TANK: variants seen among roughly 807,000 people sequenced by gnomAD.
TANK encodes the protein TRAF family member-associated NF-kappa-B activator.
Under a neutral mutation model 43.6 loss-of-function variants are expected in TANK, and 15 were observed. That is an observed-to-expected ratio of 0.34 (90% CI 0.23 to 0.53). The LOEUF is 0.53. Ranked by LOEUF, TANK falls within the 20% of genes least tolerant of loss-of-function variation. The pLI is 0.94. For synonymous variants in TANK, 162 were observed against 178.2 expected, an observed-to-expected ratio of 0.91 and a Z score of 0.73; for missense variants, 417 against 498.6, an observed-to-expected ratio of 0.84 and a Z score of 1.56.
intron 1 of TANK, among the ~76,000 whole-genome samples, chr2:161,154,168 C>G (rs1365607211): frequency 6.6e-6 from 1 of 152,088 alleles, no homozygotes; most frequent in Non-Finnish European, 1.5e-5. Flanking sequence ...CAGTCTTAAC[C>G]TAGAAAGGAA....
At chr2:161,198,618 C>T (rs932412863) in intron 2 of TANK, among the ~76,000 whole-genome samples, 2 of 152,198 alleles carry the variant, frequency 1.3e-5, no homozygotes, top group Admixed American at 6.5e-5. Context: ...ATGAGCATAT[C>T]GCGAGACAAA....
At chr2:161,208,363 A>G (rs1222531837) in intron 4 of TANK, among the ~76,000 whole-genome samples, 1 of 152,190 alleles carries the variant, frequency 6.6e-6, no homozygotes, top group Non-Finnish European at 1.5e-5. Flanking sequence ...GGACAGAAAG[A>G]GGTAAAGACA....
chr2:161,202,030 T>C (rs1686436544), intron 2 of TANK, among the ~76,000 whole-genome samples: 1 of 152,198 alleles, frequency 6.6e-6, no homozygotes, highest in South Asian at 2.1e-4. Flanking sequence ...CTGTGGGGAA[T>C]GTGAAACTAT....
chr2:161,224,010 T>C lies in TANK; in HGVS notation c.404+19T>C. The stretch of plus-strand genomic sequence containing the variant: ...ATGAAAGGTAGTTCTACATCCTTTT[T>C]TCTCAACTCTTAAAAATTATCAATA... On this transcript the variant is annotated intron_variant, in intron 5 of 7. Coordinates refer to ENST00000392749, the MANE Select transcript of TANK (RefSeq NM_001199135.3). 2.7e-6 allele frequency: 4 copies of C among 1,483,776 alleles called. No homozygotes were observed. Among genetic ancestry groups the C allele is most frequent in the Non-Finnish European group, 3.7e-6 (4 of 1,082,298 alleles). The allele number at this position is 1,483,776 out of a possible 1,614,324, so 91.9% of individuals were successfully genotyped here.
chr2:161,138,625 G>A (rs914048405), intron 1 of TANK, among the ~76,000 whole-genome samples: 6 of 152,170 alleles, frequency 3.9e-5, no homozygotes, highest in East Asian at 3.8e-4. Flanking sequence ...CTTCAGAGCC[G>A]GAAGAAGATG....
chr2:161,194,383 T>A (rs1686051942), intron 2 of TANK, among the ~76,000 whole-genome samples: 2 of 152,132 alleles, frequency 1.3e-5, no homozygotes, highest in African/African-American at 2.4e-5. Flanking sequence ...GCATTCTCCT[T>A]AATTCTAAAA....
At chr2:161,172,804 C>T (rs912673984) in intron 1 of TANK, among the ~76,000 whole-genome samples, 3 of 152,160 alleles carry the variant, frequency 2.0e-5, no homozygotes, top group Non-Finnish European at 4.4e-5. Flanking sequence ...CACATCCAGT[C>T]GGCCACCAAA....
chr2:161,215,561 A>G (rs1223435920), intron 4 of TANK, among the ~76,000 whole-genome samples: 2 of 152,210 alleles, frequency 1.3e-5, no homozygotes, highest in Non-Finnish European at 2.9e-5. Context: ...AGTGCTGCAT[A>G]CTAGGTACTC....
intron 4 of TANK, among the ~76,000 whole-genome samples, chr2:161,210,342 T>G (rs997192205): frequency 6.6e-6 from 1 of 152,200 alleles, no homozygotes; most frequent in Non-Finnish European, 1.5e-5. Context: ...TTGCCAAGCC[T>G]TGCTAGTCAT....
At chr2:161,234,324 G>T (rs925029603) in intron 7 of TANK, among the ~76,000 whole-genome samples, 1 of 152,106 alleles carries the variant, frequency 6.6e-6, no homozygotes, top group African/African-American at 2.4e-5. Context: ...AGGATAAGGG[G>T]TCTCTTTAAA....
At chr2:161,204,874 C>A (rs1686578498) in intron 4 of TANK, 81 bp downstream of exon 4, 2 of 1,555,916 alleles carry the variant, frequency 1.3e-6, no homozygotes, top group Admixed American at 2.2e-5. Flanking sequence ...CTGAAGTGAT[C>A]TGCTGGAATT....
At chr2:161,206,705 G>A (rs1304048317) in intron 4 of TANK, among the ~76,000 whole-genome samples, 1 of 152,004 alleles carries the variant, frequency 6.6e-6, no homozygotes, top group Non-Finnish European at 1.5e-5. Context: ...TTGCAAAAGA[G>A]GAAATTGAGA....
At chr2:161,147,864 G>T (rs572353356) in intron 1 of TANK, among the ~76,000 whole-genome samples, 87 of 152,020 alleles carry the variant, frequency 5.7e-4, no homozygotes, top group Non-Finnish European at 1.0e-3. Flanking sequence ...TCTTTTTGTG[G>T]CTGAATAATA....
chr2:161,149,750 T>A (rs1428027699), intron 1 of TANK, among the ~76,000 whole-genome samples: 28 of 152,012 alleles, frequency 1.8e-4, no homozygotes, highest in Non-Finnish European at 3.7e-4. Context: ...GTGGGTTTTT[T>A]TTTTTTTCCA....
chr2:161,213,237 G>A (rs1319079377), intron 4 of TANK, among the ~76,000 whole-genome samples: 2 of 152,066 alleles, frequency 1.3e-5, no homozygotes, highest in East Asian at 3.9e-4. Context: ...AGTTGGAGGC[G>A]ACAAGTATCC....
rs778791104 is a variant in TANK, at chr2:161,231,538, G to T, written c.1088G>T (p.Arg363Leu). The change falls in exon 7 of 8, where the codon CGA (arginine) becomes CTA (leucine). Residue 363 changes from arginine (R) to leucine (L), a missense_variant. Physicochemically the swap from Arg to Leu is moderately radical, Grantham distance 102 (BLOSUM62 -2). Coordinates refer to ENST00000392749, the MANE Select transcript of TANK (RefSeq NM_001199135.3). ...CTCGATTCCCCGGGAAAAGCAATCC[G>T]AGGACCACAGCAGGTAACTGTTTTG... ...PSLDSPGKAI[R>L]GPQQPIWKPF... is the part of the protein sequence containing the mutation. The T allele has an allele frequency of 6.2e-7, 1 of 1,611,678 alleles. No homozygotes were observed. Among genetic ancestry groups the T allele is most frequent in the East Asian group, 2.2e-5 (1 of 44,902 alleles).
At chr2:161,147,597 C>T (rs1481269100) in intron 1 of TANK, among the ~76,000 whole-genome samples, 1 of 152,174 alleles carries the variant, frequency 6.6e-6, no homozygotes, top group Non-Finnish European at 1.5e-5. Flanking sequence ...AGGTGGGCCA[C>T]CGCACCATAA....
At chr2:161,205,838 C>T (rs1442445866) in intron 4 of TANK, among the ~76,000 whole-genome samples, 3 of 152,128 alleles carry the variant, frequency 2.0e-5, no homozygotes, top group Non-Finnish European at 4.4e-5. Flanking sequence ...AAGTCTTGCT[C>T]TGTCACCCAG....
intron 1 of TANK, among the ~76,000 whole-genome samples, chr2:161,152,893 T>C (rs1043288401): frequency 2.0e-5 from 3 of 152,198 alleles, no homozygotes; most frequent in African/African-American, 7.2e-5. Flanking sequence ...TGGATTTTTT[T>C]GAGTCTATTC....
Sources: allele counts gnomAD v4.1 joint callset (sites outside exome capture counted in the v4.1 genomes callset), GRCh38; gene constraint gnomAD v4.1.1; transcripts MANE v1.5; gene names NCBI Gene and HGNC (gene_info 2026-07-23, HGNC 2026-07-21).